Variants in SDK1 observed in about 807,000 individuals in gnomAD.
The protein encoded by SDK1 is sidekick cell adhesion molecule 1.
Under a neutral mutation model 245.5 loss-of-function variants are expected in SDK1, and 157 were observed. The ratio of observed to expected loss-of-function variants is 0.64; its 90% confidence interval spans 0.56 to 0.73. SDK1 has a LOEUF of 0.73. SDK1 is among the 30% of genes least tolerant of loss of function. The probability of loss-of-function intolerance (pLI) is 0.00; values close to 1 mark genes in which losing one functional copy is unlikely to be tolerated. For synonymous variants in SDK1, 1,647 were observed against 1,278.5 expected, an observed-to-expected ratio of 1.29 and a Z score of -6.15; for missense variants, 3,583 against 3,002.3, an observed-to-expected ratio of 1.19 and a Z score of -4.52.
At chr7:3,823,960 T>TTG (rs1554267044) in intron 5 of SDK1, among the ~76,000 whole-genome samples, 2 of 151,600 alleles carry the variant, frequency 1.3e-5, no homozygotes, top group African/African-American at 4.9e-5. Context: ...GTGTTTTTTT[T>TTG]TTTTGTTTTT....
chr7:3,892,597 C>G (rs1221162505), intron 5 of SDK1, among the ~76,000 whole-genome samples: 3 of 152,226 alleles, frequency 2.0e-5, no homozygotes, highest in African/African-American at 7.2e-5. Context: ...GATACAGTCT[C>G]TCACAGGCAT....
At chr7:3,831,576 A>C (rs1272991667) in intron 5 of SDK1, among the ~76,000 whole-genome samples, 4 of 152,148 alleles carry the variant, frequency 2.6e-5, no homozygotes, top group Non-Finnish European at 5.9e-5. Context: ...CTTCAATCAT[A>C]ACATGGTATT....
At position 3,974,559 on chromosome 7, in the gene SDK1, C is replaced by T. The variant is rs200364659; in HGVS notation, c.1994+14C>T. The T allele has an allele frequency of 1.4e-4, 232 of 1,612,560 alleles. 3 individuals carry two copies. In the South Asian group the frequency reaches 2.0e-3, roughly 14 times the overall value. ...GCTGGAAGTGATGTGAGTACTGAGACGTTTGGTGTTAGCCAGTCCGCGGTT... is the reference window on the plus strand; with the variant it reads ...GCTGGAAGTGATGTGAGTACTGAGATGTTTGGTGTTAGCCAGTCCGCGGTT... On this transcript the variant is annotated intron_variant, in intron 13 of 44. Transcript: ENST00000404826.
intron 44 of SDK1, among the ~76,000 whole-genome samples, chr7:4,248,404 TACACATAC>T (rs1787051728): frequency 6.6e-6 from 1 of 151,472 alleles, no homozygotes; most frequent in Non-Finnish European, 1.5e-5. Context: ...CACACATATG[TACACATAC>T]ACACATGCAC....
chr7:3,867,803 A>T (rs1780858479), intron 5 of SDK1, among the ~76,000 whole-genome samples: 1 of 152,186 alleles, frequency 6.6e-6, no homozygotes, highest in Non-Finnish European at 1.5e-5. Flanking sequence ...CTTGTTTCTT[A>T]AATCAGAATT....
intron 4 of SDK1, among the ~76,000 whole-genome samples, chr7:3,690,429 G>A (rs1005506790): frequency 1.3e-5 from 2 of 152,124 alleles, no homozygotes; most frequent in Admixed American, 6.5e-5. Flanking sequence ...GATAGTGGCA[G>A]GGATTTATCC....
intron 1 of SDK1, among the ~76,000 whole-genome samples, chr7:3,367,891 G>A (rs1019939860): frequency 1.3e-5 from 2 of 152,126 alleles, no homozygotes; most frequent in Non-Finnish European, 2.9e-5. Flanking sequence ...ATAGGAAAAT[G>A]TTTTCTTTAG....
intron 5 of SDK1, among the ~76,000 whole-genome samples, chr7:3,938,706 T>G (rs1465095139): frequency 1.3e-5 from 2 of 151,610 alleles, no homozygotes; most frequent in Non-Finnish European, 2.9e-5. Flanking sequence ...TGGATCACTC[T>G]AGCATCCAAT....
chr7:4,048,491 C>T (rs1320293628), intron 17 of SDK1, among the ~76,000 whole-genome samples: 4 of 152,024 alleles, frequency 2.6e-5, no homozygotes, highest in Non-Finnish European at 5.9e-5. Context: ...CCCCACCCCT[C>T]GTCCAGCCGT....
chr7:3,939,109 C>T (rs1299304898), intron 5 of SDK1, among the ~76,000 whole-genome samples: 1 of 152,230 alleles, frequency 6.6e-6, no homozygotes, highest in South Asian at 2.1e-4. Flanking sequence ...CCCTTTCCCT[C>T]CCTCCTGCTG....
chr7:4,088,321 TTTC>T (rs574482729), intron 22 of SDK1, among the ~76,000 whole-genome samples: 251 of 152,360 alleles, frequency 1.6e-3, no homozygotes, highest in South Asian at 0.015. Context: ...CTCTTTTTTG[TTTC>T]TTCTTCTTTG....
intron 1 of SDK1, among the ~76,000 whole-genome samples, chr7:3,491,072 C>A (rs1473525844): frequency 6.6e-6 from 1 of 152,178 alleles, no homozygotes; most frequent in Non-Finnish European, 1.5e-5. Flanking sequence ...AGGTGTTATC[C>A]CATTTTATAG....
chr7:3,518,262 T>A (rs1403161), intron 1 of SDK1, among the ~76,000 whole-genome samples: 3 of 151,868 alleles, frequency 2.0e-5, no homozygotes, highest in South Asian at 4.1e-4. Context: ...GAGCCTTTTC[T>A]CTTCAGGACA....
intron 4 of SDK1, among the ~76,000 whole-genome samples, chr7:3,777,007 C>G (rs939523434): frequency 3.9e-5 from 6 of 152,186 alleles, no homozygotes; most frequent in Non-Finnish European, 8.8e-5. Context: ...GTTCACCTCT[C>G]TTCTGCCCCA....
chr7:4,002,376 C>T (rs546654622), intron 14 of SDK1, among the ~76,000 whole-genome samples: 25 of 152,240 alleles, frequency 1.6e-4, no homozygotes, highest in Non-Finnish European at 2.1e-4. Flanking sequence ...GTTCATGTGA[C>T]GACAGTAATT....
chr7:3,881,901 G>A (rs151286538), intron 5 of SDK1, among the ~76,000 whole-genome samples: 10 of 152,218 alleles, frequency 6.6e-5, no homozygotes, highest in South Asian at 2.1e-4. Context: ...CTCTGTTCCC[G>A]GGAGGCTCCT....
At chr7:3,869,574 G>A (rs751105006) in intron 5 of SDK1, among the ~76,000 whole-genome samples, 3 of 152,154 alleles carry the variant, frequency 2.0e-5, no homozygotes, top group Admixed American at 6.5e-5. Flanking sequence ...CCCCCAGCCC[G>A]CTGCGTCCTC....
chr7:3,780,668 G>T (rs958590339), intron 4 of SDK1, among the ~76,000 whole-genome samples: 4 of 152,106 alleles, frequency 2.6e-5, no homozygotes, highest in Non-Finnish European at 2.9e-5. Flanking sequence ...AAAGGGGCTA[G>T]ATCAGCTTGA....
chr7:3,972,748 C>G (rs1416401457), intron 12 of SDK1, among the ~76,000 whole-genome samples: 2 of 152,188 alleles, frequency 1.3e-5, no homozygotes, highest in Admixed American at 6.5e-5. Context: ...CTCGGCTGTT[C>G]TCTCGCGCTT....
Sources: allele counts gnomAD v4.1 joint callset (sites outside exome capture counted in the v4.1 genomes callset), GRCh38; gene constraint gnomAD v4.1.1; transcripts MANE v1.5; gene names NCBI Gene and HGNC (gene_info 2026-07-23, HGNC 2026-07-21).